BRAF: variants seen among roughly 807,000 people sequenced by gnomAD.
The protein encoded by BRAF is serine/threonine-protein kinase B-raf.
In BRAF, 16 loss-of-function variants were observed where a neutral mutation model predicts 104.6. That is an observed-to-expected ratio of 0.15 (90% CI 0.10 to 0.23). The LOEUF (loss-of-function observed/expected upper bound fraction) is 0.23. Ranked by LOEUF, BRAF falls within the 10% of genes least tolerant of loss-of-function variation. The pLI is 1.00. For missense variants in BRAF, 541 were observed against 937.3 expected, an observed-to-expected ratio of 0.58 and a Z score of 5.52; for synonymous variants, 310 against 341.6, an observed-to-expected ratio of 0.91 and a Z score of 1.02.
rs1795218496 is a variant in BRAF at position 140,719,458 on chromosome 7, T to C, written c.*7036A>G. 9.8e-7 allele frequency: 1 copy of C among 1,016,706 alleles called. No homozygotes were observed. The highest frequency in any genetic ancestry group is 5.6e-5 in the Admixed American group (1 of 17,726). 63.0% of individuals were successfully genotyped at this position (1,016,706 alleles called of 1,614,324 possible). On this transcript the variant is annotated 3_prime_UTR_variant, in exon 20 of 20. Coordinates refer to ENST00000644969, the MANE Select transcript of BRAF (RefSeq NM_001374258.1). ...TTTACACAGAAATAAATTTCTTCAA[T>C]CTGAATTTCAGCTATCTTTTTTTAT...
intron 8 of BRAF, among the ~76,000 whole-genome samples, chr7:140,791,580 C>A (rs1201763279): frequency 7.0e-6 from 1 of 142,816 alleles, no homozygotes; most frequent in Non-Finnish European, 1.6e-5. Context: ...CTTTAACTGA[C>A]ATAAATATGC....
intron 3 of BRAF, among the ~76,000 whole-genome samples, chr7:140,811,816 T>A (rs927731161): frequency 2.0e-5 from 3 of 152,234 alleles, no homozygotes; most frequent in Non-Finnish European, 4.4e-5. Flanking sequence ...ATAATCCTTG[T>A]ACTTCCCCTA....
intron 5 of BRAF, among the ~76,000 whole-genome samples, chr7:140,801,918 G>A (rs1562966670): frequency 6.6e-6 from 1 of 152,140 alleles, no homozygotes; most frequent in Non-Finnish European, 1.5e-5. Flanking sequence ...ATACAAAGAA[G>A]GGAGGTTAAG....
At chr7:140,850,556 A>C (rs1307080547) in intron 1 of BRAF, among the ~76,000 whole-genome samples, 1 of 152,170 alleles carries the variant, frequency 6.6e-6, no homozygotes, top group Non-Finnish European at 1.5e-5. Flanking sequence ...TCTCCCTTTT[A>C]CTCATGGAAA....
At position 140,720,491 on chromosome 7, in the gene BRAF, T is replaced by C. The variant is rs1180700568; in HGVS notation, c.*6003A>G. 6 of 1,064,454 alleles carry C rather than the reference T, an allele frequency of 5.6e-6. No individual in the cohort carries two copies. Among genetic ancestry groups the C allele is most frequent in the Non-Finnish European group, 6.8e-6 (6 of 878,890 alleles). 65.9% of individuals were successfully genotyped at this position (1,064,454 alleles called of 1,614,324 possible). The stretch of plus-strand genomic sequence containing the variant: ...AGGCATTATATGTTGATATAGCTGG[T>C]TTTAATCAGCTATGGAACATACACA... On this transcript the variant is annotated 3_prime_UTR_variant, in exon 20 of 20. Transcript: ENST00000644969.
intron 3 of BRAF, among the ~76,000 whole-genome samples, chr7:140,827,920 G>T (rs935184179): frequency 3.9e-5 from 6 of 152,002 alleles, no homozygotes; most frequent in African/African-American, 1.2e-4. Context: ...TTTTGAGATG[G>T]AGTTTTGCTC....
At chr7:140,732,231 A>C (rs1372315087) in intron 19 of BRAF, 1 of 70,412 alleles carries the variant, frequency 1.4e-5, no homozygotes, top group Non-Finnish European at 2.2e-5. Context: ...CTTTAATTTC[A>C]AAAAAAAAAA....
chr7:140,734,350 C>G (rs1313512733), intron 19 of BRAF: 4 of 1,333,154 alleles, frequency 3.0e-6, no homozygotes, highest in Non-Finnish European at 3.9e-6. Context: ...GAAAGTAAAG[C>G]CTCTAGAAGA....
At chr7:140,848,200 G>A (rs910084122) in intron 2 of BRAF, among the ~76,000 whole-genome samples, 2 of 152,098 alleles carry the variant, frequency 1.3e-5, no homozygotes, top group African/African-American at 4.8e-5. Flanking sequence ...GGGGGGTGAG[G>A]GTGGGGAAAG....
intron 1 of BRAF, chr7:140,884,061 A>G (rs1813240958): frequency 6.6e-6 from 1 of 152,224 alleles, no homozygotes; most frequent in African/African-American, 2.4e-5. Flanking sequence ...AGACTTTGAT[A>G]ACAAAATTTG....
rs775021122 is a variant in BRAF, at chr7:140,739,804, T to C, written c.2247+8A>G. 1.9e-6 allele frequency: 3 copies of C among 1,612,006 alleles called. No homozygotes were observed. Among genetic ancestry groups the C allele is most frequent in the Non-Finnish European group, 2.5e-6 (3 of 1,179,924 alleles). On this transcript the variant is annotated splice_region_variant and intron_variant, in intron 18 of 19. Coordinates refer to ENST00000644969, the MANE Select transcript of BRAF (RefSeq NM_001374258.1). ...TGTTCTTTTGGATAGCATGAAGCTT[T>C]TACTTACTTGGGGAAAGAGTGGTCT...
intron 17 of BRAF, among the ~76,000 whole-genome samples, chr7:140,744,436 T>A (rs974613605): frequency 3.3e-5 from 5 of 152,238 alleles, no homozygotes; most frequent in Non-Finnish European, 7.3e-5. Context: ...TTAATTTTGA[T>A]CTGTATTCTT....
intron 1 of BRAF, among the ~76,000 whole-genome samples, chr7:140,909,821 C>T (rs1375991929): frequency 6.8e-6 from 1 of 148,120 alleles, no homozygotes; most frequent in Non-Finnish European, 1.5e-5. Flanking sequence ...ACAACAACAA[C>T]AACAACAACA....
At chr7:140,790,828 T>C (rs1356271070) in intron 8 of BRAF, among the ~76,000 whole-genome samples, 1 of 152,198 alleles carries the variant, frequency 6.6e-6, no homozygotes, top group African/African-American at 2.4e-5. Context: ...GTCCCTTGGC[T>C]GGGTGCAGTG....
intron 3 of BRAF, among the ~76,000 whole-genome samples, chr7:140,824,791 T>C (rs1398051168): frequency 1.3e-5 from 2 of 152,128 alleles, no homozygotes; most frequent in Non-Finnish European, 2.9e-5. Flanking sequence ...TCCCCACTAA[T>C]ACTTGGTATG....
intron 3 of BRAF, among the ~76,000 whole-genome samples, chr7:140,814,289 T>C (rs772698634): frequency 6.6e-6 from 1 of 152,236 alleles, no homozygotes; most frequent in Non-Finnish European, 1.5e-5. Flanking sequence ...CACACGTCAA[T>C]TTTTAAAGTG....
At chr7:140,757,160 T>A (rs1256734277) in intron 14 of BRAF, among the ~76,000 whole-genome samples, 1 of 152,184 alleles carries the variant, frequency 6.6e-6, no homozygotes, top group Non-Finnish European at 1.5e-5. Context: ...TTTATGACAA[T>A]AAATAGAATT....
At position 140,879,097 on chromosome 7, in the gene BRAF, C is replaced by T. The variant is rs938450059; in HGVS notation, c.139-28885G>A. Among the ~76,000 whole-genome samples, 3 of 151,594 alleles carry T rather than the reference C, an allele frequency of 2.0e-5. No homozygotes were observed. The South Asian group carries it at 6.3e-4, about 32-fold the overall frequency. On this transcript the variant is annotated intron_variant, in intron 1 of 19. Coordinates refer to ENST00000644969, the MANE Select transcript of BRAF (RefSeq NM_001374258.1). ...TTCACCATGTTGGTCAGGCTAGTCT[C>T]GAACTCCTGACTTCAAGTGATCCAC...
At chr7:140,922,425 T>C (rs1485136441) in intron 1 of BRAF, among the ~76,000 whole-genome samples, 1 of 152,140 alleles carries the variant, frequency 6.6e-6, no homozygotes, top group African/African-American at 2.4e-5. Flanking sequence ...TCAAATAAAA[T>C]AGAAGGGTAG....
Sources: allele counts gnomAD v4.1 joint callset (sites outside exome capture counted in the v4.1 genomes callset), GRCh38; gene constraint gnomAD v4.1.1; transcripts MANE v1.5; gene names NCBI Gene and HGNC (gene_info 2026-07-23, HGNC 2026-07-21).